PRKG1: variants seen among roughly 807,000 people sequenced by gnomAD.
PRKG1 encodes protein kinase cGMP-dependent 1, also known as cGMP-dependent protein kinase 1.
In PRKG1, 35 loss-of-function variants were observed where a neutral mutation model predicts 88.1. The observed-to-expected ratio is 0.40, with a 90% CI of 0.30 to 0.53. The LOEUF (loss-of-function observed/expected upper bound fraction) is 0.53. Among genes scored for constraint, PRKG1 ranks in the 20% least tolerant of loss-of-function variants. The probability of loss-of-function intolerance (pLI) is 0.59; values close to 1 mark genes in which losing one functional copy is unlikely to be tolerated. For synonymous variants in PRKG1, 303 were observed against 292.5 expected (o/e 1.04, Z -0.37); for missense variants, 540 against 839.8 (o/e 0.64, Z 4.41).
chr10:51,285,944 GGACA>G (rs1319963151), intron 2 of PRKG1, among the ~76,000 whole-genome samples: 2 of 151,568 alleles, frequency 1.3e-5, no homozygotes, highest in Non-Finnish European at 2.9e-5. Flanking sequence ...TGTGAGGTAG[GGACA>G]GCAGGTGCCT....
intron 2 of PRKG1, among the ~76,000 whole-genome samples, chr10:51,328,727 A>G (rs1029641390): frequency 3.9e-5 from 6 of 152,290 alleles, no homozygotes; most frequent in African/African-American, 1.2e-4. Flanking sequence ...GTGATACCAC[A>G]CTGGAATTTT....
At chr10:51,145,854 T>C (rs1845933507) in intron 1 of PRKG1, among the ~76,000 whole-genome samples, 1 of 152,218 alleles carries the variant, frequency 6.6e-6, no homozygotes, top group Non-Finnish European at 1.5e-5. Context: ...GCTGTATTTT[T>C]AGTTTTAGAG....
intron 5 of PRKG1, 143 bp from the exon 6 acceptor site, chr10:52,054,341 C>T (rs1418464925): frequency 1.6e-6 from 1 of 616,466 alleles, no homozygotes; most frequent in Non-Finnish European, 2.9e-6. Context: ...GACTAATATT[C>T]ATTATTAAAT....
At chr10:51,304,921 T>C (rs1840997200) in intron 2 of PRKG1, among the ~76,000 whole-genome samples, 1 of 152,034 alleles carries the variant, frequency 6.6e-6, no homozygotes, top group Admixed American at 6.5e-5. Flanking sequence ...GTCACATTAC[T>C]TGTAAGGGGT....
chr10:52,144,695 T>TA (rs1458675342), intron 8 of PRKG1, among the ~76,000 whole-genome samples: 1 of 148,408 alleles, frequency 6.7e-6, no homozygotes, highest in African/African-American at 2.5e-5. Context: ...CACACACCTG[T>TA]AGTCCCAGCT....
intron 3 of PRKG1, among the ~76,000 whole-genome samples, chr10:51,563,883 T>C (rs535942385): frequency 4.6e-5 from 7 of 152,160 alleles, no homozygotes; most frequent in African/African-American, 1.7e-4. Context: ...TTCCACACCA[T>C]CTCACTAGGA....
At chr10:51,554,420 TCG>T (rs1491448282) in intron 3 of PRKG1, among the ~76,000 whole-genome samples, 3 of 104,998 alleles carry the variant, frequency 2.9e-5, no homozygotes, top group East Asian at 5.4e-4. Flanking sequence ...TGTATATTTA[TCG>T]TGTGTGTGTG....
chr10:51,544,350 C>G (rs574651280), intron 3 of PRKG1, among the ~76,000 whole-genome samples: 1 of 152,156 alleles, frequency 6.6e-6, no homozygotes, highest in Non-Finnish European at 1.5e-5. Flanking sequence ...TTGATGGTTT[C>G]CAGCTTCATC....
intron 9 of PRKG1, among the ~76,000 whole-genome samples, chr10:52,186,718 A>T (rs916755496): frequency 5.3e-5 from 8 of 152,174 alleles, no homozygotes; most frequent in Non-Finnish European, 1.2e-4. Context: ...AGACATCACT[A>T]AATACATGTG....
At chr10:51,569,340 G>A (rs747492887) in intron 3 of PRKG1, among the ~76,000 whole-genome samples, 1 of 152,098 alleles carries the variant, frequency 6.6e-6, no homozygotes, top group East Asian at 1.9e-4. Context: ...GTTTGATACG[G>A]TTTGTCTTAG....
intron 2 of PRKG1, among the ~76,000 whole-genome samples, chr10:51,254,485 G>A (rs1397982800): frequency 6.6e-6 from 1 of 151,926 alleles, no homozygotes; most frequent in Non-Finnish European, 1.5e-5. Context: ...AGGCAATTCA[G>A]TAAGGGGAAA....
chr10:51,048,643 TA>T (rs1220358260), intron 1 of PRKG1, among the ~76,000 whole-genome samples: 1 of 152,224 alleles, frequency 6.6e-6, no homozygotes, highest in African/African-American at 2.4e-5. Context: ...TGGGAACTAC[TA>T]GTCTTTGGTT....
chr10:52,049,952 G>A (rs1845946669), intron 5 of PRKG1, among the ~76,000 whole-genome samples: 1 of 152,070 alleles, frequency 6.6e-6, no homozygotes, highest in Admixed American at 6.6e-5. Flanking sequence ...ACAAGTAGAA[G>A]CCTAGAAAAG....
chr10:51,694,947 T>A (rs989110337), intron 3 of PRKG1, among the ~76,000 whole-genome samples: 3 of 152,216 alleles, frequency 2.0e-5, no homozygotes, highest in African/African-American at 7.2e-5. Flanking sequence ...TAATAACCTG[T>A]TTCTAATTGT....
At chr10:51,169,748 AC>A (rs1434102237) in intron 2 of PRKG1, among the ~76,000 whole-genome samples, 1 of 143,244 alleles carries the variant, frequency 7.0e-6, no homozygotes, top group Non-Finnish European at 1.5e-5. Flanking sequence ...CTGCCATATA[AC>A]CAGCTAAGTA....
At chr10:51,267,267 G>A (rs1052355864) in intron 2 of PRKG1, among the ~76,000 whole-genome samples, 1 of 151,990 alleles carries the variant, frequency 6.6e-6, no homozygotes, top group Non-Finnish European at 1.5e-5. Context: ...AAACACTTTG[G>A]TGTATATGCC....
chr10:51,283,407 G>C (rs893511342), intron 2 of PRKG1, among the ~76,000 whole-genome samples: 1 of 152,046 alleles, frequency 6.6e-6, no homozygotes, highest in Non-Finnish European at 1.5e-5. Context: ...ATCTAGAATA[G>C]ATAACTAGAT....
chr10:51,690,764 A>G (rs1227560072), intron 3 of PRKG1, among the ~76,000 whole-genome samples: 1 of 151,836 alleles, frequency 6.6e-6, no homozygotes, highest in Non-Finnish European at 1.5e-5. Flanking sequence ...CGTCTCTACT[A>G]AAAATACAAA....
intron 5 of PRKG1, among the ~76,000 whole-genome samples, chr10:51,949,296 A>G (rs1005022152): frequency 2.0e-5 from 3 of 152,156 alleles, no homozygotes; most frequent in African/African-American, 7.2e-5. Context: ...GAATAAACCT[A>G]GTTGCATTGG....
Sources: gnomAD v4.1 joint callset for allele counts (sites outside exome capture counted in the v4.1 genomes callset) on GRCh38, gnomAD v4.1.1 for gene constraint, MANE v1.5 for transcripts, NCBI Gene and HGNC (gene_info 2026-07-23, HGNC 2026-07-21) for gene names.